SH3RF2: variants seen among roughly 807,000 people sequenced by gnomAD.
SH3RF2 encodes the protein E3 ubiquitin-protein ligase SH3RF2.
Under a neutral mutation model 59.0 loss-of-function variants are expected in SH3RF2, and 43 were observed. The observed-to-expected ratio is 0.73, with a 90% CI of 0.57 to 0.94. SH3RF2 has a LOEUF of 0.94. SH3RF2 is among the 40% of genes least tolerant of loss of function. The pLI is 0.00. For synonymous variants in SH3RF2, 391 were observed against 391.5 expected, an observed-to-expected ratio of 1.00 and a Z score of 0.01; for missense variants, 930 against 940.1, an observed-to-expected ratio of 0.99 and a Z score of 0.14.
downstream of SH3RF2, among the ~76,000 whole-genome samples, chr5:146,064,834 AAG>A (rs1175386161): frequency 2.8e-4 from 4 of 14,376 alleles, no homozygotes; most frequent in African/African-American, 3.0e-4. Flanking sequence ...GAAAGAAAGA[AAG>A]AAAGAAAGAA....
At chr5:145,961,096 T>C (rs1007632390) in intron 2 of SH3RF2, among the ~76,000 whole-genome samples, 4 of 150,358 alleles carry the variant, frequency 2.7e-5, no homozygotes, top group Admixed American at 2.0e-4. Flanking sequence ...CCCATGGAGA[T>C]AAAATAAAGA....
At chr5:146,062,284 C>A in intron 9 of SH3RF2, 142 bp from the exon 10 acceptor site, 3 of 1,048,616 alleles carry the variant, frequency 2.9e-6, no homozygotes, top group Non-Finnish European at 4.2e-6. Context: ...TGTACTTCCC[C>A]CATCTTAGCA....
At chr5:145,962,713 AAG>A (rs1386213510) in intron 2 of SH3RF2, among the ~76,000 whole-genome samples, 1 of 152,014 alleles carries the variant, frequency 6.6e-6, no homozygotes, top group Non-Finnish European at 1.5e-5. Flanking sequence ...AAAATTCTTA[AAG>A]AGAGTAAGGG....
At chr5:145,971,834 A>T (rs1759093447) in intron 2 of SH3RF2, among the ~76,000 whole-genome samples, 1 of 152,164 alleles carries the variant, frequency 6.6e-6, no homozygotes. Context: ...CATAAGGTGA[A>T]ACATGAGGCT....
At chr5:146,059,373 G>A (rs1487025648) in intron 8 of SH3RF2, among the ~76,000 whole-genome samples, 1 of 151,672 alleles carries the variant, frequency 6.6e-6, no homozygotes, top group African/African-American at 2.4e-5. Flanking sequence ...GCAAGTCGCT[G>A]GGCAGAGTTT....
At chr5:145,950,350 A>G (rs997320926) in intron 2 of SH3RF2, among the ~76,000 whole-genome samples, 2 of 152,180 alleles carry the variant, frequency 1.3e-5, no homozygotes, top group Non-Finnish European at 2.9e-5. Flanking sequence ...ACTAGCTGCC[A>G]TTGCTGGTTG....
chr5:145,943,626 T>C (rs1757900924), intron 2 of SH3RF2, among the ~76,000 whole-genome samples: 1 of 152,224 alleles, frequency 6.6e-6, no homozygotes, highest in African/African-American at 2.4e-5. Flanking sequence ...ATCACTTAAG[T>C]GATCAGGGTA....
At chr5:145,991,014 G>C (rs147939184) in intron 2 of SH3RF2, among the ~76,000 whole-genome samples, 1 of 152,308 alleles carries the variant, frequency 6.6e-6, no homozygotes, top group African/African-American at 2.4e-5. Flanking sequence ...GAGCTCTAGA[G>C]TTCAATAATT....
chr5:145,953,023 T>C (rs892181793), intron 2 of SH3RF2, among the ~76,000 whole-genome samples: 5 of 151,996 alleles, frequency 3.3e-5, no homozygotes, highest in Non-Finnish European at 5.9e-5. Context: ...AACAAAATCA[T>C]AGGTGCCAGC....
intron 2 of SH3RF2, among the ~76,000 whole-genome samples, chr5:145,971,965 A>C (rs565230767): frequency 3.0e-4 from 45 of 152,312 alleles, no homozygotes; most frequent in African/African-American, 9.6e-4. Context: ...GGACCATTTC[A>C]TTTAGCCCCA....
intron 1 of SH3RF2, 57 bp downstream of exon 1, chr5:145,936,751 G>C (rs991450204): frequency 2.6e-5 from 4 of 152,402 alleles, no homozygotes; most frequent in Non-Finnish European, 5.9e-5. Flanking sequence ...CTTTGGAGAG[G>C]AGGCTTAGGA....
At chr5:145,965,174 C>G (rs1276681086) in intron 2 of SH3RF2, among the ~76,000 whole-genome samples, 1 of 151,342 alleles carries the variant, frequency 6.6e-6, no homozygotes, top group Non-Finnish European at 1.5e-5. Context: ...GCCTGGGTGA[C>G]AGAGCAAGAC....
intron 2 of SH3RF2, among the ~76,000 whole-genome samples, chr5:145,978,693 A>AG (rs1273698172): frequency 6.6e-6 from 1 of 151,866 alleles, no homozygotes; most frequent in Non-Finnish European, 1.5e-5. Context: ...AGGAAAAAAA[A>AG]AAAAAGAAAA....
chr5:145,942,230 C>A (rs966823330), intron 2 of SH3RF2, among the ~76,000 whole-genome samples: 22 of 152,224 alleles, frequency 1.4e-4, no homozygotes, highest in African/African-American at 5.1e-4. Flanking sequence ...ATCATCAATT[C>A]TTTATTAACA....
At chr5:145,946,696 C>A (rs1257654309) in intron 2 of SH3RF2, among the ~76,000 whole-genome samples, 1 of 152,188 alleles carries the variant, frequency 6.6e-6, no homozygotes, top group Non-Finnish European at 1.5e-5. Flanking sequence ...CAGTGCCACT[C>A]TGCATATGAC....
Position 145,938,058 on chromosome 5 carries a change from C to T in SH3RF2, c.130C>T (p.His44Tyr), listed in dbSNP as rs754015165. Residue 44 changes from histidine (H) to tyrosine (Y), a missense_variant, in exon 2 of 10, where the codon CAC (histidine) becomes TAC (tyrosine). By Grantham distance (83) the His-to-Tyr change is moderately conservative. Transcript: ENST00000359120. ...ATGTCTACAGAGGGTTTTCAAGGCC[C>T]ACAAAGAGCTGCGGTGCCCCGAATG... The part of the protein sequence containing the change: ...KPCLQRVFKA[H>Y]KELRCPECRT... The T allele has an allele frequency of 5.7e-5, 92 of 1,614,086 alleles. No individual in the cohort carries two copies. The highest frequency in any genetic ancestry group is 1.6e-4 in the Middle Eastern group (1 of 6,084).
chr5:145,975,788 G>A (rs539552420), intron 2 of SH3RF2, among the ~76,000 whole-genome samples: 1 of 152,356 alleles, frequency 6.6e-6, no homozygotes, highest in African/African-American at 2.4e-5. Flanking sequence ...GCAGTGCCTA[G>A]CTGTGGAGCT....
intron 9 of SH3RF2, 88 bp from the exon 10 acceptor site, chr5:146,062,338 T>C: frequency 1.3e-6 from 2 of 1,499,098 alleles, no homozygotes; most frequent in Non-Finnish European, 1.8e-6. Context: ...AATGAACACA[T>C]AAATGAGACA....
Position 145,937,901 on chromosome 5 carries a change from C to T in SH3RF2, c.-28C>T, listed in dbSNP as rs1266615520. On this transcript the variant is annotated 5_prime_UTR_variant, in exon 2 of 10. The change creates a premature stop within an existing upstream ORF in the 5' untranslated region. Transcript: ENST00000359120. ...CCCTACCATGTGGACGCTGCTCCTC[C>T]AGGTGGGAACTGGAGTTTTGAAATA... The T allele has an allele frequency of 1.3e-6, 2 of 1,591,752 alleles. No individual in the cohort carries two copies. Among genetic ancestry groups the T allele is most frequent in the African/African-American group, 2.7e-5 (2 of 74,402 alleles).
Sources: allele counts gnomAD v4.1 joint callset (sites outside exome capture counted in the v4.1 genomes callset), GRCh38; gene constraint gnomAD v4.1.1; transcripts MANE v1.5; gene names NCBI Gene and HGNC (gene_info 2026-07-23, HGNC 2026-07-21).